Variants in MPP7 observed in about 807,000 individuals in gnomAD.
MPP7 encodes the protein MAGUK p55 scaffold protein 7.
Under a neutral mutation model 76.5 loss-of-function variants are expected in MPP7, and 60 were observed. The ratio of observed to expected loss-of-function variants is 0.78; its 90% CI spans 0.64 to 0.97. The LOEUF is 0.97. Among genes scored for constraint, MPP7 ranks in the 50% least tolerant of loss-of-function variants. MPP7 has a pLI of 0.00. For missense variants in MPP7, 641 were observed against 694.0 expected (o/e 0.92, Z 0.86); for synonymous variants, 237 against 244.5 (o/e 0.97, Z 0.29).
At chr10:28,289,282 C>T (rs1840856934) in intron 1 of MPP7, 1 of 147,882 alleles carries the variant, frequency 6.8e-6, no homozygotes, top group African/African-American at 2.6e-5. Context: ...GCCTGGGCAA[C>T]AGAGCCAGAC....
In MPP7 at chr10:28,056,569, G is replaced by C. The variant is rs765492482; in HGVS notation, c.1462C>G (p.Pro488Ala). 1.2e-6 allele frequency: 2 copies of C among 1,610,232 alleles called. No homozygotes were observed. The highest frequency in any genetic ancestry group is 1.1e-5 in the South Asian group (1 of 90,294). Reference protein sequence around the residue: ...EFKPYVIFIKPPSIERLRETR... With the variant: ...EFKPYVIFIKAPSIERLRETR... ...TCTCTCAAACGCTCTATTGATGGAG[G>C]CTTTATAAATATCACATAGGGCTTA... The change falls in exon 16 of 17, where the codon CCT becomes GCT. Residue 488 changes from proline to alanine, a missense_variant. Physicochemically the swap from Pro to Ala is conservative, Grantham distance 27. Coordinates refer to ENST00000683449, the MANE Select transcript of MPP7 (RefSeq NM_001318170.2).
intron 2 of MPP7, among the ~76,000 whole-genome samples, chr10:28,220,843 A>T (rs1301119958): frequency 1.3e-5 from 2 of 152,196 alleles, no homozygotes; most frequent in Non-Finnish European, 2.9e-5. Flanking sequence ...ACGGGACAAA[A>T]GCATAAAAAA....
rs1393171652 is a variant in MPP7, at chr10:28,052,933, A to C, written c.*1132T>G. On this transcript the variant is annotated 3_prime_UTR_variant, in exon 17 of 17. Transcript: ENST00000683449. Reference sequence around the variant, plus strand: ...TATAATTCACTTGCTGAAAATCAGTAGTATCAAAGAAAAGTGAGAGAACCC... The same window carrying C: ...TATAATTCACTTGCTGAAAATCAGTCGTATCAAAGAAAAGTGAGAGAACCC... 1.3e-5 allele frequency: 2 copies of C among 152,204 alleles called. No homozygotes were observed. The highest frequency in any genetic ancestry group is 4.8e-5 in the African/African-American group (2 of 41,456). The allele number at this position is 152,204 out of a possible 1,614,324, so 9.4% of individuals were successfully genotyped here. A position where few individuals can be genotyped will look rare whatever the true frequency, so the allele number is the denominator to read the frequency against.
chr10:28,236,684 C>T (rs1588964574), intron 2 of MPP7: 1 of 152,000 alleles, frequency 6.6e-6, no homozygotes, highest in South Asian at 2.1e-4. Context: ...AAAAGTTTTA[C>T]ACAGAACGTA....
intron 5 of MPP7, 90 bp downstream of exon 5, chr10:28,147,393 T>G: frequency 6.1e-5 from 59 of 960,808 alleles, no homozygotes; most frequent in Non-Finnish European, 9.0e-5. Context: ...TACATTTACT[T>G]GAGAATTGAT....
intron 1 of MPP7, among the ~76,000 whole-genome samples, chr10:28,270,532 A>AAG (rs1304530937): frequency 0.092 from 1,429 of 15,482 alleles, 168 homozygotes; most frequent in East Asian, 0.41. Flanking sequence ...AAAAAAAAAA[A>AAG]GGGGGGGGGG....
At chr10:28,074,452 C>T (rs1225274490) in intron 12 of MPP7, among the ~76,000 whole-genome samples, 1 of 152,088 alleles carries the variant, frequency 6.6e-6, no homozygotes, top group Non-Finnish European at 1.5e-5. Flanking sequence ...TGTGCACCAC[C>T]ATACCTGGCT....
intron 1 of MPP7, among the ~76,000 whole-genome samples, chr10:28,278,090 AAACCAAAG>A (rs1350861231): frequency 6.6e-6 from 1 of 152,114 alleles, no homozygotes; most frequent in Non-Finnish European, 1.5e-5. Context: ...CATATTTCTT[AAACCAAAG>A]AGAATATTGT....
intron 2 of MPP7, among the ~76,000 whole-genome samples, chr10:28,219,888 G>A (rs1838441682): frequency 6.6e-6 from 1 of 151,924 alleles, no homozygotes. Flanking sequence ...TTCATAACAG[G>A]CTGCAATTTT....
intron 11 of MPP7, among the ~76,000 whole-genome samples, chr10:28,093,400 T>C (rs1853411972): frequency 6.6e-6 from 1 of 151,982 alleles, no homozygotes; most frequent in Admixed American, 6.6e-5. Context: ...TTCAATGTGC[T>C]TACCTAATTG....
chr10:28,226,539 C>A (rs369924745), intron 2 of MPP7, among the ~76,000 whole-genome samples: 31 of 152,164 alleles, frequency 2.0e-4, no homozygotes, highest in Admixed American at 1.4e-3. Flanking sequence ...ACCCACCACA[C>A]CCGGCCAGGT....
intron 1 of MPP7, among the ~76,000 whole-genome samples, chr10:28,241,138 T>G (rs1021053519): frequency 2.0e-5 from 3 of 152,256 alleles, no homozygotes; most frequent in African/African-American, 7.2e-5. Context: ...AGACAACATA[T>G]GCTTATATCA....
intron 11 of MPP7, chr10:28,118,660 T>G (rs912370712): frequency 1.9e-5 from 19 of 985,310 alleles, no homozygotes; most frequent in Non-Finnish European, 2.3e-5. Context: ...AAGGGTTTTT[T>G]TCCTTGTGCC....
intron 12 of MPP7, among the ~76,000 whole-genome samples, chr10:28,072,274 AAAAAT>A (rs1184618291): frequency 3.9e-5 from 6 of 152,182 alleles, no homozygotes; most frequent in Non-Finnish European, 8.8e-5. Flanking sequence ...ACTCTGTCTC[AAAAAT>A]AAAATAAAAT....
intron 1 of MPP7, among the ~76,000 whole-genome samples, chr10:28,332,278 T>TGTGTGTGTGTGTGTGTGTG (rs1554871693): frequency 1.2e-4 from 18 of 151,908 alleles, no homozygotes; most frequent in African/African-American, 1.9e-4. Context: ...TGTGTGTGTG[T>TGTGTGTGTGTGTGTGTGTG]TTAATAAATT....
chr10:28,199,772 A>G (rs1337354104), intron 3 of MPP7, among the ~76,000 whole-genome samples: 1 of 151,796 alleles, frequency 6.6e-6, no homozygotes, highest in African/African-American at 2.4e-5. Flanking sequence ...ATGCCTGGCT[A>G]ATTTTTAATT....
chr10:28,310,638 C>T (rs1286261606), intron 2 of MPP7, among the ~76,000 whole-genome samples: 3 of 152,156 alleles, frequency 2.0e-5, no homozygotes, highest in Non-Finnish European at 4.4e-5. Flanking sequence ...ACCTGAAGAG[C>T]CTTTTCAAAT....
chr10:28,316,205 G>A (rs1284241781), intron 2 of MPP7, among the ~76,000 whole-genome samples: 7 of 152,102 alleles, frequency 4.6e-5, no homozygotes, highest in Non-Finnish European at 7.4e-5. Context: ...GGGAGGACGA[G>A]GCAGGTAGAT....
chr10:28,173,413 TA>T lies in MPP7; in HGVS notation c.157-23355del, dbSNP rs536168839. 1.2e-3 allele frequency among the ~76,000 whole-genome samples: 181 copies of T among 152,150 alleles called. 3 individuals are homozygous for T. The South Asian group carries it at 0.019, about 16-fold the overall frequency. ...GGATAAAGAATTGTCATGGAAGAAATAAAATTGGCATTATTAACAAACAAAA... is the reference window on the plus strand; with the variant it reads ...GGATAAAGAATTGTCATGGAAGAAATAAATTGGCATTATTAACAAACAAAA... On this transcript the variant is annotated intron_variant, in intron 3 of 16. Transcript: ENST00000683449.
Sources: gnomAD v4.1 joint callset for allele counts (sites outside exome capture counted in the v4.1 genomes callset) on GRCh38, gnomAD v4.1.1 for gene constraint, MANE v1.5 for transcripts, NCBI Gene and HGNC (gene_info 2026-07-23, HGNC 2026-07-21) for gene names.